The following NLGN1 variants were observed in gnomAD, a reference collection of about 807,000 sequenced individuals.
The protein encoded by NLGN1 is neuroligin 1.
In NLGN1, 12 loss-of-function variants were observed where a neutral mutation model predicts 65.5. The ratio of observed to expected loss-of-function variants is 0.18; its 90% CI spans 0.12 to 0.30. The LOEUF (loss-of-function observed/expected upper bound fraction) is 0.30, where lower values mean the gene tolerates loss of function less well. Ranked by LOEUF, NLGN1 falls within the 10% of genes least tolerant of loss-of-function variation. NLGN1 has a pLI of 1.00. For missense variants in NLGN1, 750 were observed against 1,007.1 expected, an observed-to-expected ratio of 0.74 and a Z score of 3.46; for synonymous variants, 350 against 359.5, an observed-to-expected ratio of 0.97 and a Z score of 0.30.
the NLGN1 span, among the ~76,000 whole-genome samples, chr3:174,292,938 T>C: frequency 6.6e-6 from 1 of 151,466 alleles, no homozygotes; most frequent in Non-Finnish European, 1.5e-5. Context: ...CAAAGAAGCA[T>C]GTTAAATTAT....
At chr3:173,991,361 C>T (rs1721062397) in intron 4 of NLGN1, among the ~76,000 whole-genome samples, 1 of 151,934 alleles carries the variant, frequency 6.6e-6, no homozygotes, top group Admixed American at 6.6e-5. Context: ...ATTTAGTATT[C>T]CTCACTTAAT....
intron 4 of NLGN1, among the ~76,000 whole-genome samples, chr3:174,114,253 C>G (rs1402784252): frequency 1.3e-5 from 2 of 151,522 alleles, no homozygotes; most frequent in Admixed American, 1.3e-4. Context: ...TTTAATGGCA[C>G]TACAAGTATT....
At chr3:173,536,070 G>T (rs1406176983) in intron 2 of NLGN1, among the ~76,000 whole-genome samples, 1 of 152,188 alleles carries the variant, frequency 6.6e-6, no homozygotes, top group Non-Finnish European at 1.5e-5. Context: ...CTCTTGGATT[G>T]TGCTTTTTGG....
chr3:173,874,191 C>G (rs1731701546), intron 4 of NLGN1, among the ~76,000 whole-genome samples: 1 of 152,178 alleles, frequency 6.6e-6, no homozygotes, highest in Non-Finnish European at 1.5e-5. Context: ...CAGTGACTCT[C>G]TTTTCATATT....
chr3:173,548,518 G>A (rs1350703776), intron 2 of NLGN1, among the ~76,000 whole-genome samples: 1 of 150,254 alleles, frequency 6.7e-6, no homozygotes, highest in African/African-American at 2.5e-5. Flanking sequence ...TGATGCTTCT[G>A]TAGTGGTTAT....
At chr3:174,283,913 GACA>G (rs1208621445) in exon 7 of NLGN1, 1 of 151,330 alleles carries the variant, frequency 6.6e-6, no homozygotes, top group Non-Finnish European at 1.5e-5. Context: ...GAATAGAAAT[GACA>G]ACAAAATAAG....
intron 4 of NLGN1, among the ~76,000 whole-genome samples, chr3:174,094,097 T>G (rs1409013186): frequency 6.6e-6 from 1 of 152,178 alleles, no homozygotes; most frequent in Non-Finnish European, 1.5e-5. Flanking sequence ...ATAGACTAGA[T>G]TTAAAGAATT....
At chr3:173,738,577 C>T (rs564737775) in intron 3 of NLGN1, among the ~76,000 whole-genome samples, 16 of 152,188 alleles carry the variant, frequency 1.1e-4, no homozygotes, top group African/African-American at 4.8e-5. Flanking sequence ...TTTCTAGTTT[C>T]TTGATTCTAT....
intron 2 of NLGN1, among the ~76,000 whole-genome samples, chr3:173,530,455 T>C (rs1336226122): frequency 6.6e-6 from 1 of 152,172 alleles, no homozygotes; most frequent in Admixed American, 6.5e-5. Flanking sequence ...GGGAGAGATA[T>C]TTTCTGTTGG....
intron 3 of NLGN1, among the ~76,000 whole-genome samples, chr3:173,705,917 A>G (rs1330596296): frequency 6.6e-6 from 1 of 152,202 alleles, no homozygotes; most frequent in Non-Finnish European, 1.5e-5. Context: ...AATACAAACC[A>G]GGAAAAAATT....
chr3:173,773,115 C>T (rs1270522081), intron 3 of NLGN1, among the ~76,000 whole-genome samples: 1 of 152,170 alleles, frequency 6.6e-6, no homozygotes, highest in Non-Finnish European at 1.5e-5. Flanking sequence ...CCCAGCCCCA[C>T]TGCCATAACC....
chr3:173,957,392 T>C (rs2152340309), intron 4 of NLGN1, among the ~76,000 whole-genome samples: 1 of 152,328 alleles, frequency 6.6e-6, no homozygotes, highest in Non-Finnish European at 1.5e-5. Context: ...TTAGGCACTT[T>C]TGAAAATTAT....
chr3:174,022,339 A>C (rs1021744197), intron 4 of NLGN1, among the ~76,000 whole-genome samples: 9 of 152,130 alleles, frequency 5.9e-5, no homozygotes. Flanking sequence ...AAATCTCAGA[A>C]TTGCAAAATG....
At chr3:173,794,523 CT>C (rs1713563006) in intron 3 of NLGN1, among the ~76,000 whole-genome samples, 1 of 152,030 alleles carries the variant, frequency 6.6e-6, no homozygotes, top group African/African-American at 2.4e-5. Context: ...CTAGGTGCAA[CT>C]TTGGATAATA....
chr3:174,195,269 T>C (rs1335445433), intron 4 of NLGN1, among the ~76,000 whole-genome samples: 1 of 152,198 alleles, frequency 6.6e-6, no homozygotes, highest in Non-Finnish European at 1.5e-5. Context: ...AGAGTTATGT[T>C]CAAAATAGAA....
intron 2 of NLGN1, among the ~76,000 whole-genome samples, chr3:173,493,822 T>G (rs959223985): frequency 6.6e-5 from 10 of 150,530 alleles, no homozygotes; most frequent in Admixed American, 3.3e-4. Context: ...GTAAATGATT[T>G]AATTGAATAT....
intron 3 of NLGN1, among the ~76,000 whole-genome samples, chr3:173,756,766 TAA>T (rs10714578): frequency 4.1e-4 from 57 of 139,958 alleles, no homozygotes; most frequent in East Asian, 6.0e-4. Context: ...TGGATAAATG[TAA>T]AAAAAAAAAA....
At chr3:173,667,935 T>A (rs1460168052) in intron 3 of NLGN1, among the ~76,000 whole-genome samples, 2 of 152,112 alleles carry the variant, frequency 1.3e-5, no homozygotes, top group African/African-American at 4.8e-5. Flanking sequence ...CAGACCCCAT[T>A]TTTTTATAAT....
intron 4 of NLGN1, among the ~76,000 whole-genome samples, chr3:174,046,903 G>A (rs542026746): frequency 1.3e-5 from 2 of 152,076 alleles, no homozygotes; most frequent in South Asian, 2.1e-4. Context: ...GAGTTGTATA[G>A]TATAGTTAAG....
Sources: gnomAD v4.1 joint callset for allele counts (sites outside exome capture counted in the v4.1 genomes callset) on GRCh38, gnomAD v4.1.1 for gene constraint, MANE v1.5 for transcripts, NCBI Gene and HGNC (gene_info 2026-07-23, HGNC 2026-07-21) for gene names.